The following DCAF10 variants were observed in gnomAD, a reference collection of about 807,000 sequenced individuals.
DCAF10 encodes DDB1 and CUL4 associated factor 10.
In DCAF10, 19 loss-of-function variants were observed where a neutral mutation model predicts 51.9. The observed-to-expected ratio is 0.37, with a 90% confidence interval of 0.26 to 0.54. The LOEUF (loss-of-function observed/expected upper bound fraction) is 0.54. Among genes scored for constraint, DCAF10 ranks in the 20% least tolerant of loss-of-function variants. DCAF10 has a pLI of 0.87. For missense variants in DCAF10, 510 were observed against 730.6 expected (o/e 0.70, Z 3.48); for synonymous variants, 291 against 297.1 (o/e 0.98, Z 0.21).
chr9:37,847,794 A>G (rs1236264259), intron 3 of DCAF10, among the ~76,000 whole-genome samples: 1 of 152,208 alleles, frequency 6.6e-6, no homozygotes, highest in Non-Finnish European at 1.5e-5. Context: ...GACCTAATAA[A>G]CAAGTTTAGT....
At chr9:37,843,363 G>A (rs1234057938) in intron 3 of DCAF10, among the ~76,000 whole-genome samples, 1 of 152,076 alleles carries the variant, frequency 6.6e-6, no homozygotes, top group East Asian at 1.9e-4. Flanking sequence ...AAAAGAGAGG[G>A]GCTATTCTTG....
intron 2 of DCAF10, among the ~76,000 whole-genome samples, chr9:37,830,868 G>A (rs1829985592): frequency 6.6e-6 from 1 of 152,200 alleles, no homozygotes; most frequent in Non-Finnish European, 1.5e-5. Context: ...ATTTGAATCT[G>A]CTTCTTCTGA....
At chr9:37,856,826 T>C (rs1830862574) in intron 4 of DCAF10, among the ~76,000 whole-genome samples, 2 of 152,176 alleles carry the variant, frequency 1.3e-5, no homozygotes, top group Admixed American at 1.3e-4. Context: ...AGAATGATAA[T>C]GGAAGTTTTT....
At chr9:37,819,094 G>A (rs1365177040) in intron 1 of DCAF10, among the ~76,000 whole-genome samples, 194 bp from the exon 2 acceptor site, 1 of 151,966 alleles carries the variant, frequency 6.6e-6, no homozygotes, top group Non-Finnish European at 1.5e-5. Context: ...TATACTCCAC[G>A]ATAATGTATG....
intron 2 of DCAF10, among the ~76,000 whole-genome samples, chr9:37,824,046 A>C (rs1829783595): frequency 6.6e-6 from 1 of 151,846 alleles, no homozygotes; most frequent in African/African-American, 2.4e-5. Context: ...ACACTCAGCT[A>C]ATTTTTGTAT....
intron 3 of DCAF10, among the ~76,000 whole-genome samples, chr9:37,853,106 C>A (rs1830733136): frequency 7.1e-6 from 1 of 140,302 alleles, no homozygotes; most frequent in Admixed American, 7.1e-5. Flanking sequence ...AAGCCAAGAT[C>A]GCGCCATTGC....
At chr9:37,843,539 A>G (rs1830393669) in intron 3 of DCAF10, among the ~76,000 whole-genome samples, 1 of 152,186 alleles carries the variant, frequency 6.6e-6, no homozygotes, top group African/African-American at 2.4e-5. Context: ...GTAAAAAACT[A>G]ATAAAACATG....
intron 2 of DCAF10, among the ~76,000 whole-genome samples, chr9:37,835,446 G>A (rs368801657): frequency 8.5e-5 from 13 of 152,246 alleles, no homozygotes; most frequent in African/African-American, 2.6e-4. Context: ...GGGTGTGATG[G>A]TGGGCGCCTG....
At chr9:37,802,484 A>G (rs554651129) in intron 1 of DCAF10, among the ~76,000 whole-genome samples, 1 of 152,304 alleles carries the variant, frequency 6.6e-6, no homozygotes, top group South Asian at 2.1e-4. Flanking sequence ...GAAGTATTTC[A>G]GATGGAGATG....
In DCAF10 at chr9:37,863,387, A is replaced by C. The variant is rs1264208727; in HGVS notation, c.*1879A>C. Reference sequence around the variant, plus strand: ...CATTTGGGCTTAAGACAATTCCCAGAAAGTGTTTTCATTATTTAAAAAATA... The same window carrying C: ...CATTTGGGCTTAAGACAATTCCCAGCAAGTGTTTTCATTATTTAAAAAATA... On this transcript the variant is annotated 3_prime_UTR_variant, in exon 7 of 7. Coordinates refer to ENST00000377724, the MANE Select transcript of DCAF10 (RefSeq NM_024345.5). 6.6e-6 allele frequency: 1 copy of C among 152,026 alleles called. No homozygotes were observed. The highest frequency in any genetic ancestry group is 1.5e-5 in the Non-Finnish European group (1 of 68,000). The allele number at this position is 152,026 out of a possible 1,614,324, so 9.4% of individuals were successfully genotyped here.
At position 37,861,451 on chromosome 9, in the gene DCAF10, T is replaced by C. The variant is rs1831015115; in HGVS notation, c.1623T>C (p.Cys541=). The part of the protein sequence containing the change: ...VLTTKFSPTH[C]QIASGCLSGR... The stretch of plus-strand genomic sequence containing the variant: ...CAACAAAGTTCTCTCCAACACATTG[T>C]CAGATTGCCTCAGGGTGCCTTAGTG... Residue 541 remains cysteine, a synonymous_variant, in exon 7 of 7, where the codon TGT becomes TGC. Transcript: ENST00000377724. The surrounding 1 kb of genome is among the most constrained non-coding windows in gnomAD (Gnocchi z 4.9). 1 of 1,614,028 alleles carries C rather than the reference T, an allele frequency of 6.2e-7. No individual in the cohort carries two copies. The highest frequency in any genetic ancestry group is 1.1e-5 in the South Asian group (1 of 91,090).
At chr9:37,819,937 G>T (rs189434729) in intron 2 of DCAF10, among the ~76,000 whole-genome samples, 38 of 152,274 alleles carry the variant, frequency 2.5e-4, no homozygotes, top group African/African-American at 8.9e-4. Flanking sequence ...AGACTACATA[G>T]CAACATAGAC....
At chr9:37,813,946 G>A (rs751833086) in intron 1 of DCAF10, among the ~76,000 whole-genome samples, 1 of 151,050 alleles carries the variant, frequency 6.6e-6, no homozygotes. Flanking sequence ...AAAGAAGAAA[G>A]GCTGAATTGT....
Position 37,866,998 on chromosome 9 carries a change from GAC to G in DCAF10, c.*5494_*5495del, listed in dbSNP as rs1255316920. The stretch of plus-strand genomic sequence containing the variant: ...TTAAATTATCACGTATTGTTACAAA[GAC>G]ACAGTTTTGTCTCATTATAAAATAA... On this transcript the variant is annotated 3_prime_UTR_variant, in exon 7 of 7. Transcript: ENST00000377724. The G allele has an allele frequency of 6.6e-6, 1 of 152,058 alleles. No homozygotes were observed. The highest frequency in any genetic ancestry group is 2.4e-5 in the African/African-American group (1 of 41,422). The allele number at this position is 152,058 out of a possible 1,614,324, so 9.4% of individuals were successfully genotyped here. A position where few individuals can be genotyped will look rare whatever the true frequency, so the allele number is the denominator to read the frequency against.
At chr9:37,852,396 A>C (rs1357911683) in intron 3 of DCAF10, among the ~76,000 whole-genome samples, 1 of 152,178 alleles carries the variant, frequency 6.6e-6, no homozygotes, top group Non-Finnish European at 1.5e-5. Flanking sequence ...CAGGAGTTCC[A>C]AGACTAGCCT....
intron 2 of DCAF10, among the ~76,000 whole-genome samples, chr9:37,821,611 C>T (rs759549462): frequency 3.3e-4 from 50 of 152,160 alleles, no homozygotes; most frequent in Non-Finnish European, 6.0e-4. Context: ...TCTCATCTCT[C>T]ACTTTATACA....
intron 2 of DCAF10, among the ~76,000 whole-genome samples, chr9:37,838,053 G>A (rs937340009): frequency 6.6e-5 from 10 of 151,758 alleles, no homozygotes; most frequent in Admixed American, 5.9e-4. Flanking sequence ...TTTTGATATG[G>A]GAAGAAAACA....
At position 37,808,178 on chromosome 9, in the gene DCAF10, G is replaced by A. The variant is rs147272739; in HGVS notation, c.539+6773G>A. On this transcript the variant is annotated intron_variant, in intron 1 of 6. Transcript: ENST00000377724. ...AGCTGGCATGGTGGTTCATACCTGT[G>A]ATCCCAACACTTTGGGAGGCTGAGG... Among the ~76,000 whole-genome samples, 92 of 151,886 alleles carry A rather than the reference G, an allele frequency of 6.1e-4. 1 individual carries two copies. The highest frequency in any genetic ancestry group is 2.1e-3 in the African/African-American group (86 of 41,436).
At chr9:37,828,506 T>C (rs185526919) in intron 2 of DCAF10, among the ~76,000 whole-genome samples, 1 of 152,254 alleles carries the variant, frequency 6.6e-6, no homozygotes, top group Admixed American at 6.5e-5. Context: ...AAAGTCAGCA[T>C]CATAAAGAAG....
Sources: allele counts gnomAD v4.1 joint callset (sites outside exome capture counted in the v4.1 genomes callset), GRCh38; gene constraint gnomAD v4.1.1; non-coding constraint Gnocchi (gnomAD v3.1); transcripts MANE v1.5; gene names NCBI Gene and HGNC (gene_info 2026-07-23, HGNC 2026-07-21).